The following ENPP6 variants were observed in gnomAD, a reference collection of about 807,000 sequenced individuals.
ENPP6 encodes the protein ectonucleotide pyrophosphatase/phosphodiesterase 6.
ENPP6 carries 32 observed loss-of-function variants against 42.0 expected under a neutral mutation model. The observed-to-expected ratio is 0.76, with a 90% CI of 0.58 to 1.02. ENPP6 has a LOEUF of 1.02. Ranked by LOEUF, ENPP6 falls within the 50% of genes least tolerant of loss-of-function variation. The pLI is 0.00. For synonymous variants in ENPP6, 213 were observed against 216.0 expected (o/e 0.99, Z 0.12); for missense variants, 552 against 566.8 (o/e 0.97, Z 0.27).
In ENPP6 at chr4:184,090,938, C is replaced by A; in HGVS notation, c.*239G>T. The A allele has an allele frequency of 2.2e-6, 1 of 463,338 alleles. No homozygotes were observed. The highest frequency in any genetic ancestry group is 3.7e-6 in the Non-Finnish European group (1 of 267,314). 28.7% of individuals were successfully genotyped at this position (463,338 alleles called of 1,614,324 possible). ...AACGTGAAAAGAAAGGAGAAAATGA[C>A]ATATAACTGCACAAATGGAAAGCTA... On this transcript the variant is annotated 3_prime_UTR_variant, in exon 8 of 8. Coordinates refer to ENST00000296741, the MANE Select transcript of ENPP6 (RefSeq NM_153343.4).
chr4:184,157,547 T>G (rs1428304735), intron 1 of ENPP6, among the ~76,000 whole-genome samples: 1 of 148,892 alleles, frequency 6.7e-6, no homozygotes, highest in Non-Finnish European at 1.5e-5. Context: ...CTCCTTTCTT[T>G]CCTTTCTCTC....
intron 1 of ENPP6, among the ~76,000 whole-genome samples, chr4:184,215,655 A>C (rs925678741): frequency 1.3e-5 from 2 of 152,210 alleles, no homozygotes; most frequent in African/African-American, 4.8e-5. Context: ...AGCTTCTATG[A>C]AACATATAGA....
intron 2 of ENPP6, among the ~76,000 whole-genome samples, chr4:184,148,987 G>A (rs1232131906): frequency 1.3e-5 from 2 of 152,150 alleles, no homozygotes; most frequent in Non-Finnish European, 2.9e-5. Flanking sequence ...GACTAATGAG[G>A]GCAGGAACCA....
At chr4:184,214,711 T>C (rs1266414405) in intron 1 of ENPP6, among the ~76,000 whole-genome samples, 3 of 152,200 alleles carry the variant, frequency 2.0e-5, no homozygotes, top group Admixed American at 6.5e-5. Context: ...AGCCATCATT[T>C]TCAGCAAACT....
chr4:184,101,304 TTGTGTGTGTG>T (rs56174532), intron 6 of ENPP6, among the ~76,000 whole-genome samples: 33,464 of 136,904 alleles, frequency 0.24, 4,667 homozygotes, highest in Admixed American at 0.39. Context: ...GTGTGTGAGC[TTGTGTGTGTG>T]TGTGTGTGTG....
At chr4:184,137,629 A>G (rs1736751579) in intron 2 of ENPP6, among the ~76,000 whole-genome samples, 1 of 152,240 alleles carries the variant, frequency 6.6e-6, no homozygotes, top group Non-Finnish European at 1.5e-5. Context: ...GTCAAGGATT[A>G]AGATGATTTG....
At chr4:184,169,316 A>G (rs1336484068) in intron 1 of ENPP6, among the ~76,000 whole-genome samples, 1 of 151,690 alleles carries the variant, frequency 6.6e-6, no homozygotes, top group Non-Finnish European at 1.5e-5. Flanking sequence ...TGCTGGAGGA[A>G]TCCATTCCTC....
At chr4:184,212,542 G>A (rs1182932147) in intron 1 of ENPP6, among the ~76,000 whole-genome samples, 238 of 149,876 alleles carry the variant, frequency 1.6e-3, no homozygotes, top group African/African-American at 5.8e-3. Flanking sequence ...GGGATGTGAA[G>A]GACCTCTTCA....
At chr4:184,209,750 C>G (rs1177701442) in intron 1 of ENPP6, among the ~76,000 whole-genome samples, 4 of 147,442 alleles carry the variant, frequency 2.7e-5, no homozygotes, top group South Asian at 2.2e-4. Flanking sequence ...ACAAAGATAC[C>G]CCTCGAGAAG....
intron 1 of ENPP6, among the ~76,000 whole-genome samples, chr4:184,162,260 T>C (rs1012738683): frequency 5.9e-5 from 9 of 152,052 alleles, no homozygotes; most frequent in African/African-American, 1.9e-4. Flanking sequence ...CAACTTATAT[T>C]TGCAGGCTCA....
rs535751155 is a variant in ENPP6 at position 184,174,582 on chromosome 4, C to T, written c.242-20849G>A. Among the ~76,000 whole-genome samples the T allele has an allele frequency of 0.013, 318 of 23,944 alleles. 14 individuals carry two copies. The South Asian group carries it at 0.34, about 25-fold the overall frequency. 15.7% of individuals were successfully genotyped at this position (23,944 alleles called of 152,430 possible). On this transcript the variant is annotated intron_variant, in intron 1 of 7. Transcript: ENST00000296741. ...TGACCTTCTGAAGCAGATGTTTTAC[C>T]TAAGGGAAAACCGAGACTCAGACAG... is the stretch of plus-strand genomic sequence containing the variant.
intron 1 of ENPP6, among the ~76,000 whole-genome samples, chr4:184,212,174 G>C (rs1733123410): frequency 6.6e-6 from 1 of 151,794 alleles, no homozygotes; most frequent in African/African-American, 2.4e-5. Context: ...TTTGAAAACT[G>C]GCACAAGACA....
At chr4:184,206,419 G>A (rs1311913144) in intron 1 of ENPP6, among the ~76,000 whole-genome samples, 5 of 115,560 alleles carry the variant, frequency 4.3e-5, no homozygotes, top group South Asian at 2.9e-4. Flanking sequence ...CACCAGGCCC[G>A]GCTAATTTTT....
At position 184,131,259 on chromosome 4, in the gene ENPP6, T is replaced by TTTCTCTTCCTTCCTTCCTTC. The variant is rs1553996065; in HGVS notation, c.422-6988_422-6987insGAAGGAAGGAAGGAAGAGAA. 3.6e-3 allele frequency among the ~76,000 whole-genome samples: 263 copies of TTTCTCTTCCTTCCTTCCTTC among 73,344 alleles called. 29 individuals are homozygous for TTTCTCTTCCTTCCTTCCTTC. The highest frequency in any genetic ancestry group is 0.014 in the African/African-American group (259 of 18,316). 48.1% of individuals were successfully genotyped at this position (73,344 alleles called of 152,430 possible). A position where few individuals can be genotyped will look rare whatever the true frequency, so the allele number is the denominator to read the frequency against. On this transcript the variant is annotated intron_variant, in intron 2 of 7. Transcript: ENST00000296741. ...CCTTTTCTTTCTTTCTTTCTCTTTC[T>TTTCTCTTCCTTCCTTCCTTC]CTTCCTTCCTTCCTTCCTTCCTTCC...
At position 184,212,771 on chromosome 4, in the gene ENPP6, G is replaced by A. The variant is rs1426914121; in HGVS notation, c.241+4808C>T. On this transcript the variant is annotated intron_variant, in intron 1 of 7. Transcript: ENST00000296741. Reference sequence around the variant, plus strand: ...TTCATATGGAATCAAAAAAGAGCCCGTATCGCCAAGTCAATCCTAAGCCAA... The same window carrying A: ...TTCATATGGAATCAAAAAAGAGCCCATATCGCCAAGTCAATCCTAAGCCAA... Among the ~76,000 whole-genome samples, 393 of 151,422 alleles carry A rather than the reference G, an allele frequency of 2.6e-3. 7 individuals are homozygous for A. The highest frequency in any genetic ancestry group is 9.1e-3 in the African/African-American group (370 of 40,750).
At chr4:184,191,348 G>A (rs898844802) in intron 1 of ENPP6, among the ~76,000 whole-genome samples, 4 of 152,200 alleles carry the variant, frequency 2.6e-5, no homozygotes, top group African/African-American at 9.7e-5. Context: ...GTGTTTGAAC[G>A]TACCTAGCAC....
At chr4:184,161,571 C>CA (rs1737257290) in intron 1 of ENPP6, among the ~76,000 whole-genome samples, 2 of 152,174 alleles carry the variant, frequency 1.3e-5, no homozygotes, top group Admixed American at 1.3e-4. Context: ...GAAAAAGATA[C>CA]TGGCATATAC....
At chr4:184,185,617 G>A (rs1330498941) in intron 1 of ENPP6, among the ~76,000 whole-genome samples, 2 of 152,070 alleles carry the variant, frequency 1.3e-5, no homozygotes, top group Non-Finnish European at 2.9e-5. Context: ...TAGTATTCTT[G>A]ACAAAAAAGG....
chr4:184,104,409 G>A (rs1736053801), intron 6 of ENPP6, among the ~76,000 whole-genome samples: 1 of 152,170 alleles, frequency 6.6e-6, no homozygotes, highest in South Asian at 2.1e-4. Flanking sequence ...GTCAGGCAGG[G>A]GTCCAGACCA....
Sources: gnomAD v4.1 joint callset for allele counts (sites outside exome capture counted in the v4.1 genomes callset) on GRCh38, gnomAD v4.1.1 for gene constraint, MANE v1.5 for transcripts, NCBI Gene and HGNC (gene_info 2026-07-23, HGNC 2026-07-21) for gene names.